ESRRG: variants seen among roughly 807,000 people sequenced by gnomAD.
ESRRG encodes the protein estrogen related receptor gamma.
In ESRRG, 13 loss-of-function variants were observed where a neutral mutation model predicts 44.0. That is an observed-to-expected ratio of 0.30 (90% CI 0.19 to 0.47). The LOEUF is 0.47. Among genes scored for constraint, ESRRG ranks in the 20% least tolerant of loss-of-function variants. The pLI is 1.00. For synonymous variants in ESRRG, 215 were observed against 214.6 expected, an observed-to-expected ratio of 1.00 and a Z score of -0.02; for missense variants, 395 against 580.6, an observed-to-expected ratio of 0.68 and a Z score of 3.29.
chr1:217,029,850 A>G (rs900017199), intron 1 of ESRRG, among the ~76,000 whole-genome samples: 2 of 152,240 alleles, frequency 1.3e-5, no homozygotes, highest in African/African-American at 2.4e-5. Context: ...CCAAAAAGAA[A>G]GGAATGGCTA....
chr1:216,564,545 A>T, intron 4 of ESRRG, 165 bp from the exon 5 acceptor site: 1 of 453,534 alleles, frequency 2.2e-6, no homozygotes, highest in East Asian at 3.5e-5. Flanking sequence ...GTGCAGGAAA[A>T]CTCATAGCAA....
At chr1:216,601,403 G>C (rs531987517) in intron 3 of ESRRG, among the ~76,000 whole-genome samples, 2 of 152,288 alleles carry the variant, frequency 1.3e-5, no homozygotes, top group South Asian at 4.1e-4. Context: ...AAGGAGGGGG[G>C]CTCCAAGCAT....
intron 2 of ESRRG, among the ~76,000 whole-genome samples, chr1:216,814,798 T>C (rs1389159971): frequency 6.6e-6 from 1 of 152,204 alleles, no homozygotes; most frequent in Non-Finnish European, 1.5e-5. Flanking sequence ...GACTCCACAG[T>C]TGCCAAAAAT....
intron 1 of ESRRG, among the ~76,000 whole-genome samples, chr1:217,074,636 G>A (rs538687261): frequency 4.6e-5 from 7 of 152,142 alleles, no homozygotes; most frequent in African/African-American, 9.6e-5. Context: ...CTAGGAACTC[G>A]AGAACAACCT....
chr1:217,118,656 G>T (rs2092771884), intron 1 of ESRRG, among the ~76,000 whole-genome samples: 2 of 152,148 alleles, frequency 1.3e-5, no homozygotes, highest in Admixed American at 1.3e-4. Context: ...TCAGTTATCT[G>T]CACAGTTAAT....
chr1:216,649,018 G>A (rs974731725), intron 3 of ESRRG, among the ~76,000 whole-genome samples: 5 of 152,036 alleles, frequency 3.3e-5, no homozygotes, highest in Admixed American at 3.3e-4. Context: ...AGGGGTTAAG[G>A]CAATGGCTAA....
rs1190904076 is a variant in ESRRG at position 217,005,310 on chromosome 1, A to C, written c.-105-65637T>G. Among the ~76,000 whole-genome samples the C allele has an allele frequency of 3.3e-5, 5 of 152,316 alleles. No homozygotes were observed. The East Asian group carries it at 9.6e-4, about 29-fold the overall frequency. ...CGGTAGATGATTAGTCCAAGCACACAGCTAAATAGTGGCATAAGCTGGACA... is the reference window on the plus strand; with the variant it reads ...CGGTAGATGATTAGTCCAAGCACACCGCTAAATAGTGGCATAAGCTGGACA... On this transcript the variant is annotated intron_variant, in intron 1 of 7. Transcript: ENST00000359162.
intron 1 of ESRRG, among the ~76,000 whole-genome samples, chr1:217,026,375 A>C (rs1488934765): frequency 2.0e-5 from 3 of 152,250 alleles, no homozygotes; most frequent in Admixed American, 2.0e-4. Flanking sequence ...CACATTTATT[A>C]GAAGACCCTG....
At chr1:216,994,743 G>A (rs1021984314) in intron 1 of ESRRG, among the ~76,000 whole-genome samples, 2 of 147,080 alleles carry the variant, frequency 1.4e-5, no homozygotes, top group Admixed American at 1.4e-4. Context: ...CACCACGCCC[G>A]GCTAATTTTT....
chr1:217,063,767 T>G lies in ESRRG; in HGVS notation c.-106+25740A>C, dbSNP rs76046908. Among the ~76,000 whole-genome samples the G allele has an allele frequency of 2.6e-5, 4 of 152,326 alleles. No individual in the cohort carries two copies. The East Asian group carries it at 7.7e-4, about 29-fold the overall frequency. Reference sequence around the variant, plus strand: ...AGGTGTTTCTAAGTATACCAGTTACTGGATGCAACCCTCTAGAGAGTCTTA... The same window carrying G: ...AGGTGTTTCTAAGTATACCAGTTACGGGATGCAACCCTCTAGAGAGTCTTA... On this transcript the variant is annotated intron_variant, in intron 1 of 7. Transcript: ENST00000359162.
intron 2 of ESRRG, among the ~76,000 whole-genome samples, chr1:216,654,694 GA>G (rs372992992): frequency 6.6e-6 from 1 of 150,988 alleles, no homozygotes; most frequent in South Asian, 2.1e-4. Flanking sequence ...GACAAAAATG[GA>G]AAAAAAGTGT....
chr1:216,578,254 C>T (rs116552275), intron 3 of ESRRG, among the ~76,000 whole-genome samples: 247 of 152,076 alleles, frequency 1.6e-3, no homozygotes, highest in African/African-American at 5.7e-3. Context: ...TGTTACACTG[C>T]GACACTTCTT....
Position 216,756,548 on chromosome 1 carries a change from A to G in ESRRG, c.-13-79057T>C, listed in dbSNP as rs549981701. Among the ~76,000 whole-genome samples, 2 of 152,110 alleles carry G rather than the reference A, an allele frequency of 1.3e-5. 1 individual carries two copies. The highest frequency in any genetic ancestry group is 4.8e-5 in the African/African-American group (2 of 41,546). On this transcript the variant is annotated intron_variant, in intron 2 of 7. Transcript: ENST00000359162. ...CTCTTTGACAGATATAGTTCTCACA[A>G]TGGGTCTCAATAAAGCCTTTTCCCC...
chr1:216,813,809 CG>C (rs1024397488), intron 2 of ESRRG, among the ~76,000 whole-genome samples: 1 of 152,082 alleles, frequency 6.6e-6, no homozygotes, highest in Non-Finnish European at 1.5e-5. Context: ...CTGCTTATGT[CG>C]GGGGGACATC....
At chr1:216,625,635 C>A (rs2063066377) in intron 3 of ESRRG, among the ~76,000 whole-genome samples, 1 of 152,036 alleles carries the variant, frequency 6.6e-6, no homozygotes, top group Admixed American at 6.6e-5. Flanking sequence ...CTCCAAATTC[C>A]ATCTCCAGCA....
At chr1:216,979,479 T>G (rs2150371798) in intron 1 of ESRRG, among the ~76,000 whole-genome samples, 1 of 152,180 alleles carries the variant, frequency 6.6e-6, no homozygotes, top group African/African-American at 2.4e-5. Context: ...AGCTTGATCA[T>G]GGCCAAGATT....
chr1:217,072,884 A>G (rs545038081), intron 1 of ESRRG, among the ~76,000 whole-genome samples: 47 of 152,264 alleles, frequency 3.1e-4, no homozygotes, highest in Non-Finnish European at 5.9e-4. Flanking sequence ...TTTCATCTCT[A>G]GCCTGCTACT....
At chr1:216,626,595 A>G (rs2063228103) in intron 3 of ESRRG, among the ~76,000 whole-genome samples, 2 of 152,162 alleles carry the variant, frequency 1.3e-5, no homozygotes, top group African/African-American at 4.8e-5. Flanking sequence ...ATGCAGCACC[A>G]TTGACAGTCA....
intron 6 of ESRRG, among the ~76,000 whole-genome samples, chr1:216,516,668 C>CACACACAGAGAGAGAGAGAGAG (rs376701865): frequency 1.6e-4 from 22 of 137,244 alleles, no homozygotes; most frequent in African/African-American, 5.3e-4. Context: ...CACACACACA[C>CACACACAGAGAGAGAGAGAGAG]AGAGAGAGAG....
Sources: gnomAD v4.1 joint callset for allele counts (sites outside exome capture counted in the v4.1 genomes callset) on GRCh38, gnomAD v4.1.1 for gene constraint, MANE v1.5 for transcripts, NCBI Gene and HGNC (gene_info 2026-07-23, HGNC 2026-07-21) for gene names.